The following ZNF121 variants were observed in gnomAD, a reference collection of about 807,000 sequenced individuals.
ZNF121 encodes zinc finger protein 121.
Under a neutral mutation model 2.4 loss-of-function variants are expected in ZNF121, and 1 was observed. The ratio of observed to expected loss-of-function variants is 0.41; its 90% CI spans 0.15 to 1.94. The LOEUF (loss-of-function observed/expected upper bound fraction) is 1.94, where lower values mean the gene tolerates loss of function less well. ZNF121 is among the 30% of genes most tolerant of loss of function. The pLI is 0.30. For missense variants in ZNF121, 369 were observed against 466.3 expected (o/e 0.79, Z 1.92); for synonymous variants, 173 against 158.6 (o/e 1.09, Z -0.68).
intron 1 of ZNF121, among the ~76,000 whole-genome samples, chr19:9,580,894 G>C (rs764019903): frequency 6.6e-6 from 1 of 152,164 alleles, no homozygotes; most frequent in Non-Finnish European, 1.5e-5. Context: ...ACTACCATGC[G>C]ATAGAGAATG....
chr19:9,578,604 T>C (rs1308335952), intron 1 of ZNF121, among the ~76,000 whole-genome samples: 3 of 152,074 alleles, frequency 2.0e-5, no homozygotes, highest in African/African-American at 2.4e-5. Flanking sequence ...AATGGGAAAA[T>C]AGCAGTCTTC....
chr19:9,583,812 CT>C (rs1184868339), intron 1 of ZNF121, among the ~76,000 whole-genome samples: 2 of 152,188 alleles, frequency 1.3e-5, no homozygotes, highest in Non-Finnish European at 2.9e-5. Flanking sequence ...GCCTGCCTTT[CT>C]TTTGTAGAAA....
At chr19:9,570,322 A>T (rs552353495) in intron 1 of ZNF121, among the ~76,000 whole-genome samples, 1 of 152,278 alleles carries the variant, frequency 6.6e-6, no homozygotes, top group South Asian at 2.1e-4. Flanking sequence ...CTTCCCTGGC[A>T]TAATGTGAAG....
chr19:9,569,688 G>A (rs997842354), intron 1 of ZNF121, among the ~76,000 whole-genome samples: 7 of 151,244 alleles, frequency 4.6e-5, no homozygotes, highest in African/African-American at 1.7e-4. Context: ...CCCACCATCA[G>A]GTCTGGCTAA....
rs1199909796 is a variant in ZNF121 at position 9,563,595 on chromosome 19, C to G, written c.*2345G>C. On this transcript the variant is annotated 3_prime_UTR_variant, in exon 4 of 4. Coordinates refer to ENST00000320451, the MANE Select transcript of ZNF121 (RefSeq NM_001008727.5). Reference sequence around the variant, plus strand: ...TTCAAAGATTCAAAGGACGGGCTGACTCTTTACTTTGTAGAGACAGCGTCA... The same window carrying G: ...TTCAAAGATTCAAAGGACGGGCTGAGTCTTTACTTTGTAGAGACAGCGTCA... 6.6e-6 allele frequency: 1 copy of G among 152,208 alleles called. No homozygotes were observed. Among genetic ancestry groups the G allele is most frequent in the Non-Finnish European group, 1.5e-5 (1 of 68,044 alleles). The allele number at this position is 152,208 out of a possible 1,614,324, so 9.4% of individuals were successfully genotyped here.
chr19:9,560,356 A>T lies in ZNF121; in HGVS notation c.*5584T>A, dbSNP rs940350506. 5.3e-5 allele frequency: 8 copies of T among 152,236 alleles called. No homozygotes were observed. Among genetic ancestry groups the T allele is most frequent in the African/African-American group, 1.9e-4 (8 of 41,462 alleles). 9.4% of individuals were successfully genotyped at this position (152,236 alleles called of 1,614,324 possible). A position where few individuals can be genotyped will look rare whatever the true frequency, so the allele number is the denominator to read the frequency against. On this transcript the variant is annotated 3_prime_UTR_variant, in exon 4 of 4. Transcript: ENST00000320451. ...CTTTTATTACAATTTTTATTGTGAT[A>T]AAAACACATAAAATTTACCCTTTCA...
intron 1 of ZNF121, among the ~76,000 whole-genome samples, chr19:9,574,863 T>G (rs112526341): frequency 1.3e-5 from 2 of 152,046 alleles, no homozygotes; most frequent in African/African-American, 4.8e-5. Flanking sequence ...GATATTTAAG[T>G]ATGTTAACAC....
intron 1 of ZNF121, among the ~76,000 whole-genome samples, chr19:9,579,554 G>A (rs560494253): frequency 1.8e-4 from 27 of 152,274 alleles, no homozygotes; most frequent in Middle Eastern, 3.4e-3. Flanking sequence ...GAATTGTGGC[G>A]TGCGCCTGTA....
chr19:9,582,785 T>C, intron 1 of ZNF121, among the ~76,000 whole-genome samples: 1 of 151,536 alleles, frequency 6.6e-6, no homozygotes, highest in Non-Finnish European at 1.5e-5. Context: ...ACTGGGTGTG[T>C]TAGATGTTCA....
At position 9,564,960 on chromosome 19, in the gene ZNF121, T is replaced by C. The variant is rs1325400168; in HGVS notation, c.*980A>G. ...GATTACAACTCACCAAAGTCTCACA[T>C]GATCATTAGCACTTTTTGGCAATAA... On this transcript the variant is annotated 3_prime_UTR_variant, in exon 4 of 4. Transcript: ENST00000320451. 6.6e-6 allele frequency: 1 copy of C among 152,218 alleles called. No individual in the cohort carries two copies. Among genetic ancestry groups the C allele is most frequent in the Non-Finnish European group, 1.5e-5 (1 of 68,046 alleles). 9.4% of individuals were successfully genotyped at this position (152,218 alleles called of 1,614,324 possible). A position where few individuals can be genotyped will look rare whatever the true frequency, so the allele number is the denominator to read the frequency against.
In ZNF121 at chr19:9,566,684, G is replaced by A. The variant is rs372553072; in HGVS notation, c.429C>T (p.Pro143=). 2 of 1,614,054 alleles carry A rather than the reference G, an allele frequency of 1.2e-6. No homozygotes were observed. Among genetic ancestry groups the A allele is most frequent in the African/African-American group, 2.7e-5 (2 of 74,930 alleles). The change falls in exon 4 of 4, where the codon CCC becomes CCT. Residue 143 remains proline (P), a synonymous_variant. Coordinates refer to ENST00000320451, the MANE Select transcript of ZNF121 (RefSeq NM_001008727.5). ...VSVKMHTVEK[P]YECKECGKFF... ...ATTTTCCACATTCCTTACATTCGTA[G>A]GGTTTTTCTACAGTATGCATTTTAA...
At chr19:9,581,902 A>G (rs1043888384) in intron 1 of ZNF121, among the ~76,000 whole-genome samples, 2 of 152,206 alleles carry the variant, frequency 1.3e-5, no homozygotes, top group African/African-American at 4.8e-5. Flanking sequence ...GCGATGCATT[A>G]CCAAGTATTT....
Position 9,566,252 on chromosome 19 carries a change from C to G in ZNF121, c.861G>C (p.Lys287Asn), listed in dbSNP as rs774172631. Residue 287 changes from lysine to asparagine, a missense_variant, in exon 4 of 4, where the codon AAG (lysine) becomes AAC (asparagine). This residue lies in a region of ZNF121 where 127 missense variants were observed against 169.9 expected (regional missense o/e 0.75). Transcript: ENST00000320451. The stretch of plus-strand genomic sequence containing the variant: ...AAACAGTGAATGCTTTCCCACACTC[C>G]TTACATTTATAGGGTTTTATTCCAG... The part of the protein sequence containing the change: ...IHTGIKPYKC[K>N]ECGKAFTVSS... 6.2e-7 allele frequency: 1 copy of G among 1,614,110 alleles called. No homozygotes were observed. The highest frequency in any genetic ancestry group is 1.1e-5 in the South Asian group (1 of 91,086).
rs57109713 is a variant in ZNF121 at position 9,565,669 on chromosome 19, CAAATAAAATAAAATA to C, written c.*256_*270del. On this transcript the variant is annotated 3_prime_UTR_variant, in exon 4 of 4. Coordinates refer to ENST00000320451, the MANE Select transcript of ZNF121 (RefSeq NM_001008727.5). ...TGATGACAACAGCAAAACTCTGTCT[CAAATAAAATAAAATA>C]AAATAAAATAAAATAAAATAAAATA... The C allele has an allele frequency of 0.06, 8,986 of 148,696 alleles. 870 individuals are homozygous for C. Among genetic ancestry groups the C allele is most frequent in the African/African-American group, 0.2 (8,124 of 40,418 alleles). The allele number at this position is 148,696 out of a possible 1,614,324, so 9.2% of individuals were successfully genotyped here. A position where few individuals can be genotyped will look rare whatever the true frequency, so the allele number is the denominator to read the frequency against.
At chr19:9,581,083 C>A (rs969579647) in intron 1 of ZNF121, among the ~76,000 whole-genome samples, 1 of 152,070 alleles carries the variant, frequency 6.6e-6, no homozygotes, top group South Asian at 2.1e-4. Context: ...AATATTTACA[C>A]ACACCATGAG....
intron 1 of ZNF121, among the ~76,000 whole-genome samples, chr19:9,573,025 C>CAAA (rs1343613745): frequency 1.3e-5 from 2 of 151,996 alleles, no homozygotes; most frequent in Non-Finnish European, 1.5e-5. Context: ...AAAACAACAA[C>CAAA]AAAAAAGATA....
chr19:9,573,849 TTTTC>T (rs2074190959), intron 1 of ZNF121, among the ~76,000 whole-genome samples: 2 of 151,980 alleles, frequency 1.3e-5, no homozygotes, highest in Admixed American at 6.5e-5. Context: ...TAGGATGACA[TTTTC>T]TTTCTTTTTT....
At chr19:9,583,519 T>C (rs994159948) in intron 1 of ZNF121, among the ~76,000 whole-genome samples, 8 of 128,150 alleles carry the variant, frequency 6.2e-5, no homozygotes, top group African/African-American at 2.5e-4. Flanking sequence ...TTTTTGTGTG[T>C]GTGAGACGGA....
intron 1 of ZNF121, among the ~76,000 whole-genome samples, chr19:9,569,859 T>TA (rs1011045062): frequency 1.7e-4 from 25 of 142,904 alleles, no homozygotes; most frequent in African/African-American, 6.4e-4. Flanking sequence ...TTTTTTTTTT[T>TA]ACGATATCGT....
Sources: allele counts gnomAD v4.1 joint callset (sites outside exome capture counted in the v4.1 genomes callset), GRCh38; gene constraint gnomAD v4.1.1; regional missense constraint gnomAD v4.1.1; transcripts MANE v1.5; gene names NCBI Gene and HGNC (gene_info 2026-07-23, HGNC 2026-07-21).